Variants in NELL2 observed in about 807,000 individuals in gnomAD.
NELL2 encodes neural EGFL like 2, also known as protein kinase C-binding protein NELL2.
Under a neutral mutation model 109.6 loss-of-function variants are expected in NELL2, and 41 were observed. The ratio of observed to expected loss-of-function variants is 0.37; its 90% CI spans 0.29 to 0.49. The LOEUF is 0.49. Among genes scored for constraint, NELL2 ranks in the 20% least tolerant of loss-of-function variants. The probability of loss-of-function intolerance (pLI) is 0.98; values close to 1 mark genes in which losing one functional copy is unlikely to be tolerated. For missense variants in NELL2, 900 were observed against 1,008.3 expected (o/e 0.89, Z 1.45); for synonymous variants, 355 against 344.7 (o/e 1.03, Z -0.33).
At chr12:44,749,106 A>G (rs1281799289) in intron 9 of NELL2, among the ~76,000 whole-genome samples, 2 of 152,162 alleles carry the variant, frequency 1.3e-5, no homozygotes, top group African/African-American at 4.8e-5. Flanking sequence ...ATTAACATTG[A>G]CAAGGGTTTG....
chr12:44,868,597 C>T (rs1945076850), intron 2 of NELL2, among the ~76,000 whole-genome samples: 1 of 152,166 alleles, frequency 6.6e-6, no homozygotes, highest in Non-Finnish European at 1.5e-5. Context: ...CAACGTGGAT[C>T]AACCTGGAAG....
At chr12:44,809,013 A>G (rs545214216) in intron 3 of NELL2, among the ~76,000 whole-genome samples, 12 of 152,166 alleles carry the variant, frequency 7.9e-5, no homozygotes, top group Admixed American at 4.6e-4. Context: ...CAGAAGCATA[A>G]ATAATGCCTG....
chr12:44,663,758 A>G (rs1947827975), intron 13 of NELL2, among the ~76,000 whole-genome samples: 1 of 152,232 alleles, frequency 6.6e-6, no homozygotes, highest in Admixed American at 6.5e-5. Flanking sequence ...TTGGATTTAT[A>G]TCCAACAGAC....
rs116101527 is a variant in NELL2 at position 44,734,000 on chromosome 12, C to G, written c.995-19259G>C. ...AAGCTGCACAGTAGGGTATAATGGT[C>G]TAAATATGTTTATTAGGTTTGGACA... On this transcript the variant is annotated intron_variant, in intron 9 of 19. Transcript: ENST00000429094. Among the ~76,000 whole-genome samples the G allele has an allele frequency of 6.3e-3, 959 of 152,036 alleles. 7 individuals are homozygous for G. The highest frequency in any genetic ancestry group is 0.017 in the African/African-American group (724 of 41,538).
At chr12:44,522,572 A>G (rs1199949597) in intron 17 of NELL2, among the ~76,000 whole-genome samples, 1 of 152,076 alleles carries the variant, frequency 6.6e-6, no homozygotes, top group African/African-American at 2.4e-5. Flanking sequence ...AGTTAATAAC[A>G]TATATATATT....
chr12:44,766,627 AT>A, intron 9 of NELL2, among the ~76,000 whole-genome samples: 1 of 152,290 alleles, frequency 6.6e-6, no homozygotes, highest in East Asian at 1.9e-4. Context: ...TCTCTCTTAA[AT>A]TGGGTCTCCT....
At chr12:44,658,677 C>T (rs564188714) in intron 13 of NELL2, among the ~76,000 whole-genome samples, 1 of 151,964 alleles carries the variant, frequency 6.6e-6, no homozygotes, top group Admixed American at 6.6e-5. Context: ...GAGATCGAGA[C>T]CATCCTGCCT....
chr12:44,558,603 G>A (rs139787991), intron 15 of NELL2, among the ~76,000 whole-genome samples: 190 of 152,306 alleles, frequency 1.2e-3, no homozygotes, highest in African/African-American at 4.3e-3. Flanking sequence ...CCTAAGGGAA[G>A]CTGTGAGGGA....
chr12:44,637,238 G>A (rs1339642906), intron 13 of NELL2, among the ~76,000 whole-genome samples: 1 of 151,066 alleles, frequency 6.6e-6, no homozygotes, highest in Admixed American at 6.6e-5. Flanking sequence ...TTTTGTGTCT[G>A]TATCTCCTTC....
intron 12 of NELL2, among the ~76,000 whole-genome samples, chr12:44,687,133 A>C (rs4529941): frequency 0.01 from 1,532 of 152,290 alleles, 26 homozygotes; most frequent in African/African-American, 0.034. Context: ...GCCCGTCGGA[A>C]ATGCGCAGTA....
chr12:44,509,624 A>G (rs902138055), intron 19 of NELL2, among the ~76,000 whole-genome samples: 1 of 152,136 alleles, frequency 6.6e-6, no homozygotes, highest in African/African-American at 2.4e-5. Context: ...GCAAACAGGA[A>G]GTGTGTCCTT....
intron 3 of NELL2, among the ~76,000 whole-genome samples, chr12:44,810,892 T>C (rs1427206059): frequency 6.6e-6 from 1 of 152,144 alleles, no homozygotes; most frequent in Admixed American, 6.6e-5. Context: ...TATGTATTTG[T>C]TACAACTGTA....
chr12:44,597,785 A>G (rs1400829301), intron 15 of NELL2, among the ~76,000 whole-genome samples: 1 of 152,224 alleles, frequency 6.6e-6, no homozygotes, highest in Non-Finnish European at 1.5e-5. Flanking sequence ...AAGGTAAGGG[A>G]GGAAAGACAG....
upstream of NELL2, chr12:44,876,920 G>A (rs1461649802): frequency 1.6e-6 from 2 of 1,243,232 alleles, no homozygotes; most frequent in Non-Finnish European, 2.0e-6. Context: ...TGCCGGGGGC[G>A]GGGCGCTGGA....
intron 3 of NELL2, among the ~76,000 whole-genome samples, chr12:44,805,588 C>T (rs1313894511): frequency 6.6e-6 from 1 of 151,608 alleles, no homozygotes; most frequent in Non-Finnish European, 1.5e-5. Flanking sequence ...ACATCTAAGT[C>T]CAACATGTCA....
chr12:44,755,264 C>T (rs1240660985), intron 9 of NELL2, among the ~76,000 whole-genome samples: 2 of 152,186 alleles, frequency 1.3e-5, no homozygotes, highest in African/African-American at 4.8e-5. Context: ...AAATACACAT[C>T]TGTACTTCAG....
chr12:44,514,059 A>T (rs1183398586), intron 19 of NELL2, among the ~76,000 whole-genome samples: 1 of 151,914 alleles, frequency 6.6e-6, no homozygotes, highest in East Asian at 1.9e-4. Context: ...ACTGCATACA[A>T]GGGAATAAAA....
At chr12:44,581,622 G>C (rs755865494) in intron 15 of NELL2, among the ~76,000 whole-genome samples, 3 of 148,230 alleles carry the variant, frequency 2.0e-5, no homozygotes, top group South Asian at 2.1e-4. Context: ...TCTTTATATA[G>C]GTTGGTTAAA....
chr12:44,626,033 A>G (rs923778988), intron 13 of NELL2, among the ~76,000 whole-genome samples: 1 of 152,138 alleles, frequency 6.6e-6, no homozygotes, highest in Non-Finnish European at 1.5e-5. Flanking sequence ...TAACATCTCT[A>G]AAAAATGTTT....
Sources: gnomAD v4.1 joint callset for allele counts (sites outside exome capture counted in the v4.1 genomes callset) on GRCh38, gnomAD v4.1.1 for gene constraint, MANE v1.5 for transcripts, NCBI Gene and HGNC (gene_info 2026-07-23, HGNC 2026-07-21) for gene names.